The following AGBL1 variants were observed in gnomAD, a reference collection of about 807,000 sequenced individuals.
The protein encoded by AGBL1 is AGBL carboxypeptidase 1, also known as cytosolic carboxypeptidase 4.
In AGBL1, 130 loss-of-function variants were observed where a neutral mutation model predicts 118.9. The ratio of observed to expected loss-of-function variants is 1.09; its 90% CI spans 0.95 to 1.26. The LOEUF (loss-of-function observed/expected upper bound fraction) is 1.26, where lower values mean the gene tolerates loss of function less well. AGBL1 is among the 50% of genes most tolerant of loss of function. The probability of loss-of-function intolerance (pLI) is 0.00; values close to 1 mark genes in which losing one functional copy is unlikely to be tolerated. For synonymous variants in AGBL1, 555 were observed against 478.9 expected (o/e 1.16, Z -2.08); for missense variants, 1,584 against 1,298.1 (o/e 1.22, Z -3.38).
At chr15:86,734,653 A>T (rs570265490) in intron 22 of AGBL1, among the ~76,000 whole-genome samples, 2 of 152,132 alleles carry the variant, frequency 1.3e-5, no homozygotes, top group African/African-American at 2.4e-5. Flanking sequence ...GGTGGTTCCT[A>T]TACTTCTCTA....
chr15:86,964,702 T>C (rs1567262656), intron 23 of AGBL1, among the ~76,000 whole-genome samples: 1 of 151,996 alleles, frequency 6.6e-6, no homozygotes, highest in South Asian at 2.1e-4. Flanking sequence ...GTTTGTTACA[T>C]AGGTATACAC....
At chr15:86,456,053 A>G (rs2142077195) in intron 18 of AGBL1, among the ~76,000 whole-genome samples, 1 of 152,326 alleles carries the variant, frequency 6.6e-6, no homozygotes, top group East Asian at 1.9e-4. Flanking sequence ...GATGTTCTGT[A>G]TAGATGAACA....
At chr15:86,674,850 C>T (rs145227207) in intron 22 of AGBL1, among the ~76,000 whole-genome samples, 1 of 152,250 alleles carries the variant, frequency 6.6e-6, no homozygotes, top group East Asian at 1.9e-4. Context: ...ATGTTTTACT[C>T]TTCCCATTCT....
intron 18 of AGBL1, among the ~76,000 whole-genome samples, chr15:86,401,517 C>T (rs1319662261): frequency 6.6e-6 from 1 of 152,096 alleles, no homozygotes; most frequent in Non-Finnish European, 1.5e-5. Flanking sequence ...GTCCTGAATT[C>T]TTTGCCTAAG....
At chr15:86,954,203 G>T (rs2080907756) in intron 23 of AGBL1, among the ~76,000 whole-genome samples, 1 of 152,200 alleles carries the variant, frequency 6.6e-6, no homozygotes, top group African/African-American at 2.4e-5. Context: ...GGTAAGGATG[G>T]AAATTAGTTC....
At chr15:86,181,024 T>C (rs754082202) in intron 5 of AGBL1, among the ~76,000 whole-genome samples, 11 of 152,100 alleles carry the variant, frequency 7.2e-5, no homozygotes, top group Non-Finnish European at 1.6e-4. Flanking sequence ...ATCACAAGAA[T>C]TGGCAAAGAA....
At chr15:86,439,573 A>T (rs1596117001) in intron 18 of AGBL1, among the ~76,000 whole-genome samples, 1 of 152,340 alleles carries the variant, frequency 6.6e-6, no homozygotes, top group South Asian at 2.1e-4. Context: ...AAATGAATAA[A>T]TACATTTCGG....
At chr15:86,516,638 A>G (rs907354103) in intron 18 of AGBL1, among the ~76,000 whole-genome samples, 40 of 152,100 alleles carry the variant, frequency 2.6e-4, no homozygotes, top group Middle Eastern at 3.2e-3. Context: ...TGTCTCTACT[A>G]AAAATACAAA....
intron 21 of AGBL1, among the ~76,000 whole-genome samples, chr15:86,583,341 C>G (rs1173281197): frequency 6.6e-6 from 1 of 151,974 alleles, no homozygotes; most frequent in Non-Finnish European, 1.5e-5. Context: ...CCCTTGCCCC[C>G]TCCCTACCCC....
At chr15:86,678,929 G>A (rs1204651543) in intron 22 of AGBL1, among the ~76,000 whole-genome samples, 2 of 151,840 alleles carry the variant, frequency 1.3e-5, no homozygotes, top group Non-Finnish European at 2.9e-5. Context: ...ATATTTTTTG[G>A]ATTTGTATTC....
chr15:86,811,990 C>G (rs1298373108), intron 22 of AGBL1, among the ~76,000 whole-genome samples: 2 of 152,176 alleles, frequency 1.3e-5, no homozygotes, highest in Non-Finnish European at 2.9e-5. Flanking sequence ...ACTCACTTTT[C>G]AGATCAATCA....
At chr15:86,298,722 A>G (rs2079697456) in intron 17 of AGBL1, among the ~76,000 whole-genome samples, 1 of 151,930 alleles carries the variant, frequency 6.6e-6, no homozygotes, top group Admixed American at 6.6e-5. Context: ...AGTAGCTGTC[A>G]CTCACCCCTC....
chr15:86,834,205 T>G (rs2141422037), intron 22 of AGBL1, among the ~76,000 whole-genome samples: 1 of 152,266 alleles, frequency 6.6e-6, no homozygotes, highest in South Asian at 2.1e-4. Flanking sequence ...AAAACAAGTG[T>G]TTGCAGCAAC....
At chr15:86,111,338 C>A (rs1305439260) in intron 1 of AGBL1, among the ~76,000 whole-genome samples, 1 of 152,196 alleles carries the variant, frequency 6.6e-6, no homozygotes, top group Admixed American at 6.5e-5. Flanking sequence ...CTGGGAATAG[C>A]CAAGATTCTG....
chr15:86,429,286 C>G (rs2116206), intron 18 of AGBL1, among the ~76,000 whole-genome samples: 3,002 of 152,294 alleles, frequency 0.02, 74 homozygotes, highest in Middle Eastern at 0.051. Context: ...CTCTGCCTTT[C>G]TCCAGGGCCA....
intron 10 of AGBL1, among the ~76,000 whole-genome samples, chr15:86,263,576 C>A (rs1416995199): frequency 6.6e-6 from 1 of 152,202 alleles, no homozygotes; most frequent in Non-Finnish European, 1.5e-5. Flanking sequence ...TGTTCTCATG[C>A]CAAAGTGGGA....
At chr15:86,661,372 T>C (rs548819789) in intron 21 of AGBL1, among the ~76,000 whole-genome samples, 122 of 152,160 alleles carry the variant, frequency 8.0e-4, no homozygotes, top group Non-Finnish European at 1.5e-3. Context: ...ATTCAGACCA[T>C]GCTTTTTTTC....
At chr15:87,028,990 A>G in exon 25 of AGBL1, 2 of 736,826 alleles carry the variant, frequency 2.7e-6, no homozygotes, top group South Asian at 1.9e-5. Flanking sequence ...CTTATCTAGT[A>G]TATCTACCTC....
chr15:86,971,776 C>G (rs1404478684), intron 23 of AGBL1, among the ~76,000 whole-genome samples: 1 of 151,934 alleles, frequency 6.6e-6, no homozygotes, highest in East Asian at 1.9e-4. Context: ...AAAATCTCAT[C>G]TTGAATTGTA....
Sources: gnomAD v4.1 joint callset for allele counts (sites outside exome capture counted in the v4.1 genomes callset) on GRCh38, gnomAD v4.1.1 for gene constraint, MANE v1.5 for transcripts, NCBI Gene and HGNC (gene_info 2026-07-23, HGNC 2026-07-21) for gene names.